Variants in HCK observed in about 807,000 individuals in gnomAD.
HCK encodes tyrosine-protein kinase HCK.
A neutral mutation model predicts 70.4 loss-of-function variants in HCK; 40 were observed. That is an observed-to-expected ratio of 0.57 (90% confidence interval 0.44 to 0.74). The LOEUF (loss-of-function observed/expected upper bound fraction) is 0.74, where lower values mean the gene tolerates loss of function less well. Among genes scored for constraint, HCK ranks in the 30% least tolerant of loss-of-function variants. HCK has a pLI of 0.00. For missense variants in HCK, 568 were observed against 697.2 expected, an observed-to-expected ratio of 0.81 and a Z score of 2.09; for synonymous variants, 245 against 263.2, an observed-to-expected ratio of 0.93 and a Z score of 0.67.
chr20:32,083,839 A>G lies in HCK; in HGVS notation c.533-55A>G, dbSNP rs185229488. 2,151 of 1,603,478 alleles carry G rather than the reference A, an allele frequency of 1.3e-3. 9 individuals carry two copies. In the Middle Eastern group the frequency reaches 0.028, roughly 21 times the overall value. Reference sequence around the variant, plus strand: ...TTACAGGGTGTCAGAGTGCTAATGCAAGGTGGCAGGCCTCCAAGATGCCAT... The same window carrying G: ...TTACAGGGTGTCAGAGTGCTAATGCGAGGTGGCAGGCCTCCAAGATGCCAT... On this transcript the variant is annotated intron_variant, in intron 6 of 12. Transcript: ENST00000375852.
chr20:32,069,149 C>G (rs1226597910), intron 1 of HCK, among the ~76,000 whole-genome samples: 1 of 152,178 alleles, frequency 6.6e-6, no homozygotes, highest in African/African-American at 2.4e-5. Context: ...GCGCTTACTG[C>G]ATGCTGGGCA....
chr20:32,061,936 C>CTTTTT (rs557203114), intron 1 of HCK, among the ~76,000 whole-genome samples: 2 of 122,048 alleles, frequency 1.6e-5, no homozygotes, highest in African/African-American at 3.3e-5. Flanking sequence ...TCTGACTTAC[C>CTTTTT]TTTTTTTTTT....
chr20:32,074,892 A>G (rs1446182780), intron 5 of HCK, among the ~76,000 whole-genome samples, 171 bp downstream of exon 5: 1 of 152,156 alleles, frequency 6.6e-6, no homozygotes, highest in Non-Finnish European at 1.5e-5. Context: ...CAGTCAGGGA[A>G]GAGAGGCTAA....
At chr20:32,067,963 C>A (rs2122510315) in intron 1 of HCK, among the ~76,000 whole-genome samples, 1 of 152,084 alleles carries the variant, frequency 6.6e-6, no homozygotes, top group East Asian at 1.9e-4. Flanking sequence ...TCACTTGTTT[C>A]TTTTTACTTT....
At chr20:32,093,199 C>G (rs897079909) in intron 10 of HCK, among the ~76,000 whole-genome samples, 1 of 152,224 alleles carries the variant, frequency 6.6e-6, no homozygotes, top group Non-Finnish European at 1.5e-5. Flanking sequence ...CCCACCTCGG[C>G]CTCCCAAAGT....
chr20:32,085,240 C>T (rs530553104), intron 8 of HCK, among the ~76,000 whole-genome samples: 1 of 152,314 alleles, frequency 6.6e-6, no homozygotes, highest in African/African-American at 2.4e-5. Flanking sequence ...AGGCCGGGCA[C>T]AGTGGCTCAC....
chr20:32,081,763 A>G (rs1212544101), intron 6 of HCK, among the ~76,000 whole-genome samples: 1 of 152,218 alleles, frequency 6.6e-6, no homozygotes, highest in Non-Finnish European at 1.5e-5. Flanking sequence ...TGCACAGCCC[A>G]GCGCTTCTCC....
chr20:32,055,152 A>G (rs886409642), intron 1 of HCK, among the ~76,000 whole-genome samples: 2 of 151,948 alleles, frequency 1.3e-5, no homozygotes, highest in Non-Finnish European at 2.9e-5. Flanking sequence ...ATGGCTCCCC[A>G]GAGAGGGCAC....
chr20:32,097,322 G>A (rs1438127164), intron 11 of HCK, among the ~76,000 whole-genome samples: 4 of 151,894 alleles, frequency 2.6e-5, no homozygotes, highest in African/African-American at 9.7e-5. Context: ...GCTCATGCCT[G>A]TAATTCCAGC....
Position 32,074,821 on chromosome 20 carries a change from A to G in HCK, c.428+100A>G. 2 of 786,820 alleles carry G rather than the reference A, an allele frequency of 2.5e-6. 1 individual carries two copies. Among genetic ancestry groups the G allele is most frequent in the South Asian group, 3.0e-5 (2 of 66,966 alleles). 48.7% of individuals were successfully genotyped at this position (786,820 alleles called of 1,614,324 possible). ...CACACACTGTACCACTGCCTGGCAC[A>G]TACTCTTCCCAGGGCTCTGGGCTTG... On this transcript the variant is annotated intron_variant, in intron 5 of 12. Coordinates refer to ENST00000375852, the MANE Select transcript of HCK (RefSeq NM_002110.5).
chr20:32,064,485 G>A (rs1052360581), intron 1 of HCK, among the ~76,000 whole-genome samples: 1 of 152,210 alleles, frequency 6.6e-6, no homozygotes, highest in Non-Finnish European at 1.5e-5. Flanking sequence ...GGAAAGAGCT[G>A]CAGCTTCTTC....
chr20:32,065,856 G>A (rs1373909463), intron 1 of HCK, among the ~76,000 whole-genome samples: 1 of 152,158 alleles, frequency 6.6e-6, no homozygotes, highest in Non-Finnish European at 1.5e-5. Flanking sequence ...GAAAATCCAG[G>A]TACTGTTATC....
At chr20:32,066,190 CA>C (rs2045454367) in intron 1 of HCK, among the ~76,000 whole-genome samples, 1 of 152,050 alleles carries the variant, frequency 6.6e-6, no homozygotes, top group Non-Finnish European at 1.5e-5. Context: ...CCCCTGTTCC[CA>C]AACTCACCCG....
At position 32,088,556 on chromosome 20, in the gene HCK, T is replaced by TC; in HGVS notation, c.1016-7dup. On this transcript the variant is annotated splice_polypyrimidine_tract_variant and intron_variant, in intron 9 of 12. Coordinates refer to ENST00000375852, the MANE Select transcript of HCK (RefSeq NM_002110.5). ...AAAAGTAGTAAATGTTCCTCCCCTC[T>TC]CCCCCATATAGGAAGCTTGCTGGAC... 1 of 1,605,106 alleles carries TC rather than the reference T, an allele frequency of 6.2e-7. No homozygotes were observed. Among genetic ancestry groups the TC allele is most frequent in the African/African-American group, 1.3e-5 (1 of 74,586 alleles).
chr20:32,097,313 C>T (rs2045970077), intron 11 of HCK, among the ~76,000 whole-genome samples: 1 of 152,036 alleles, frequency 6.6e-6, no homozygotes, highest in African/African-American at 2.4e-5. Flanking sequence ...GGCACGTTGG[C>T]TCATGCCTGT....
At chr20:32,076,203 G>A (rs2045623048) in intron 5 of HCK, among the ~76,000 whole-genome samples, 1 of 152,188 alleles carries the variant, frequency 6.6e-6, no homozygotes, top group African/African-American at 2.4e-5. Context: ...GTGCGTGCCT[G>A]TAGTCCCAGC....
chr20:32,075,376 T>A (rs2045607233), intron 5 of HCK, among the ~76,000 whole-genome samples: 1 of 152,076 alleles, frequency 6.6e-6, no homozygotes, highest in Non-Finnish European at 1.5e-5. Flanking sequence ...TTCTTTTTTG[T>A]ATTTTTGGTA....
At position 32,084,953 on chromosome 20, in the gene HCK, A is replaced by T. The variant is rs1192660881; in HGVS notation, c.835+410A>T. 2.0e-5 allele frequency among the ~76,000 whole-genome samples: 3 copies of T among 152,382 alleles called. No homozygotes were observed. The East Asian group carries it at 5.8e-4, about 29-fold the overall frequency. ...TATTCTGAGCACCTGCTGTGTGCCC[A>T]GCACTGTTAGGGTCTTGTGGGAAAA... is the stretch of plus-strand genomic sequence containing the variant. On this transcript the variant is annotated intron_variant, in intron 8 of 12. Coordinates refer to ENST00000375852, the MANE Select transcript of HCK (RefSeq NM_002110.5).
chr20:32,081,328 T>C (rs2045706930), intron 6 of HCK, among the ~76,000 whole-genome samples: 1 of 152,170 alleles, frequency 6.6e-6, no homozygotes, highest in Non-Finnish European at 1.5e-5. Context: ...GGTGCATGGA[T>C]GGCAAGAACA....
Sources: allele counts gnomAD v4.1 joint callset (sites outside exome capture counted in the v4.1 genomes callset), GRCh38; gene constraint gnomAD v4.1.1; transcripts MANE v1.5; gene names NCBI Gene and HGNC (gene_info 2026-07-23, HGNC 2026-07-21).